The following CDH4 variants were observed in gnomAD, a reference collection of about 807,000 sequenced individuals.
The protein encoded by CDH4 is cadherin-4.
Under a neutral mutation model 86.0 loss-of-function variants are expected in CDH4, and 33 were observed. The observed-to-expected ratio is 0.38, with a 90% CI of 0.29 to 0.51. The LOEUF (loss-of-function observed/expected upper bound fraction) is 0.51, where lower values mean the gene tolerates loss of function less well. CDH4 is among the 20% of genes least tolerant of loss of function. The pLI is 0.86. For synonymous variants in CDH4, 555 were observed against 549.4 expected (o/e 1.01, Z -0.14); for missense variants, 1,114 against 1,307.4 (o/e 0.85, Z 2.28).
chr20:61,424,246 CCA>C (rs770401501), intron 2 of CDH4, among the ~76,000 whole-genome samples: 23 of 142,250 alleles, frequency 1.6e-4, no homozygotes, highest in South Asian at 6.7e-4. Flanking sequence ...CCACATGTAT[CCA>C]CACACATATA....
At chr20:61,424,444 C>T (rs115972517) in intron 2 of CDH4, among the ~76,000 whole-genome samples, 4,614 of 152,156 alleles carry the variant, frequency 0.03, 257 homozygotes, top group African/African-American at 0.1. Flanking sequence ...ACACATGTAT[C>T]CCCATACAGC....
intron 2 of CDH4, among the ~76,000 whole-genome samples, chr20:61,330,729 G>A (rs1458266646): frequency 2.6e-5 from 4 of 152,318 alleles, no homozygotes; most frequent in South Asian, 2.1e-4. Flanking sequence ...CTTTTCTCAC[G>A]TGAGATTAAG....
At chr20:61,378,180 C>T (rs545104056) in intron 2 of CDH4, among the ~76,000 whole-genome samples, 2 of 152,222 alleles carry the variant, frequency 1.3e-5, no homozygotes, top group South Asian at 2.1e-4. Context: ...CTTGAGCCCA[C>T]GAGGTTGAGT....
intron 6 of CDH4, among the ~76,000 whole-genome samples, chr20:61,855,805 C>G (rs80316016): frequency 6.6e-6 from 1 of 152,224 alleles, no homozygotes; most frequent in South Asian, 2.1e-4. Flanking sequence ...ATGTTGATGC[C>G]GGGACCCCGG....
At chr20:61,666,756 C>A (rs781688784) in intron 2 of CDH4, among the ~76,000 whole-genome samples, 9 of 152,218 alleles carry the variant, frequency 5.9e-5, no homozygotes, top group Admixed American at 5.9e-4. Flanking sequence ...ATCTTACCCT[C>A]GATGGGGTGT....
intron 4 of CDH4, among the ~76,000 whole-genome samples, chr20:61,840,861 C>T (rs553330812): frequency 1.6e-3 from 250 of 152,326 alleles, no homozygotes; most frequent in African/African-American, 5.5e-3. Context: ...CGCAGCCACC[C>T]GCTGCCCGCC....
chr20:61,273,648 G>C (rs2084201149), intron 2 of CDH4, among the ~76,000 whole-genome samples: 1 of 143,690 alleles, frequency 7.0e-6, no homozygotes, highest in South Asian at 2.3e-4. Context: ...TTTTGGGGGA[G>C]TACTGTGTGC....
At chr20:61,522,948 C>G (rs527783613) in intron 2 of CDH4, among the ~76,000 whole-genome samples, 1 of 152,358 alleles carries the variant, frequency 6.6e-6, no homozygotes, top group African/African-American at 2.4e-5. Flanking sequence ...CACGCAGGTG[C>G]ATCTGGCAGT....
At chr20:61,412,696 C>T (rs947949338) in intron 2 of CDH4, among the ~76,000 whole-genome samples, 2 of 152,214 alleles carry the variant, frequency 1.3e-5, no homozygotes. Flanking sequence ...CTGCCAGCTC[C>T]AGGTCGACTT....
chr20:61,666,967 C>T (rs1057291400), intron 2 of CDH4, among the ~76,000 whole-genome samples: 9 of 152,242 alleles, frequency 5.9e-5, no homozygotes, highest in Admixed American at 2.0e-4. Flanking sequence ...CCCGCACACC[C>T]GGTCAGTCTG....
chr20:61,515,218 C>T (rs1041857623), intron 2 of CDH4, among the ~76,000 whole-genome samples: 2 of 152,252 alleles, frequency 1.3e-5, no homozygotes, highest in Admixed American at 6.5e-5. Flanking sequence ...CTGTCCATCA[C>T]CATTTGAGCT....
intron 2 of CDH4, among the ~76,000 whole-genome samples, chr20:61,311,605 C>A (rs989273047): frequency 1.3e-5 from 2 of 152,192 alleles, no homozygotes; most frequent in Non-Finnish European, 2.9e-5. Context: ...TTTGGTGTTA[C>A]CAATTAAGCA....
chr20:61,857,469 A>T (rs753351569), intron 6 of CDH4, among the ~76,000 whole-genome samples: 5 of 152,178 alleles, frequency 3.3e-5, no homozygotes, highest in Non-Finnish European at 5.9e-5. Context: ...AAAAAAAAAC[A>T]AGGTCCACCT....
At chr20:61,659,525 T>C (rs1443079678) in intron 2 of CDH4, among the ~76,000 whole-genome samples, 3 of 151,734 alleles carry the variant, frequency 2.0e-5, no homozygotes. Context: ...CTCAGCGGCT[T>C]GGAGACAGGA....
At chr20:61,448,474 A>G (rs4925349) in intron 2 of CDH4, among the ~76,000 whole-genome samples, 82,286 of 152,012 alleles carry the variant, frequency 0.54, 22,398 homozygotes, top group Admixed American at 0.62. Context: ...GCCTCCTCCA[A>G]TCTCCTTCAT....
At position 61,663,032 on chromosome 20, in the gene CDH4, A is replaced by G. The variant is rs545495771; in HGVS notation, c.170-80531A>G. On this transcript the variant is annotated intron_variant, in intron 2 of 15. Transcript: ENST00000614565. The surrounding 1 kb of genome is among the most constrained non-coding windows in gnomAD (Gnocchi z 5.0). Reference sequence around the variant, plus strand: ...GGCACAGCGGCCCGGGGTAGAACCCATGGCCCTGACTCACCTCCCCCTCCA... The same window carrying G: ...GGCACAGCGGCCCGGGGTAGAACCCGTGGCCCTGACTCACCTCCCCCTCCA... Among the ~76,000 whole-genome samples, 4 of 152,174 alleles carry G rather than the reference A, an allele frequency of 2.6e-5. No individual in the cohort carries two copies. The South Asian group carries it at 8.3e-4, about 32-fold the overall frequency.
At chr20:61,751,770 A>T (rs1418920699) in intron 3 of CDH4, among the ~76,000 whole-genome samples, 9 of 152,208 alleles carry the variant, frequency 5.9e-5, no homozygotes, top group Admixed American at 5.9e-4. Context: ...ATTTGGGGGA[A>T]AGTTTGCCCA....
At chr20:61,602,162 C>T (rs900097343) in intron 2 of CDH4, among the ~76,000 whole-genome samples, 8 of 152,150 alleles carry the variant, frequency 5.3e-5, no homozygotes, top group Non-Finnish European at 8.8e-5. Context: ...GTGCTGGGCT[C>T]GGAGGGTGTC....
intron 2 of CDH4, among the ~76,000 whole-genome samples, chr20:61,584,989 C>T (rs1247506439): frequency 3.9e-5 from 6 of 152,216 alleles, no homozygotes; most frequent in Admixed American, 6.5e-5. Context: ...CTCCTTCCAC[C>T]GCCCCTGCAG....
Sources: allele counts gnomAD v4.1 joint callset (sites outside exome capture counted in the v4.1 genomes callset), GRCh38; gene constraint gnomAD v4.1.1; non-coding constraint Gnocchi (gnomAD v3.1); transcripts MANE v1.5; gene names NCBI Gene and HGNC (gene_info 2026-07-23, HGNC 2026-07-21).